ADGRG7: variants seen among roughly 807,000 people sequenced by gnomAD.
ADGRG7 encodes the protein G-protein coupled receptor 128.
Under a neutral mutation model 88.6 loss-of-function variants are expected in ADGRG7, and 82 were observed. The observed-to-expected ratio is 0.93, with a 90% CI of 0.77 to 1.11. The LOEUF (loss-of-function observed/expected upper bound fraction) is 1.11, where lower values mean the gene tolerates loss of function less well. ADGRG7 is among the 50% of genes most tolerant of loss of function. The probability of loss-of-function intolerance (pLI) is 0.00; values close to 1 mark genes in which losing one functional copy is unlikely to be tolerated. For synonymous variants in ADGRG7, 381 were observed against 345.2 expected (o/e 1.10, Z -1.15); for missense variants, 945 against 953.4 (o/e 0.99, Z 0.12).
In ADGRG7 at chr3:100,638,211, A is replaced by G. The variant is rs148493790; in HGVS notation, c.698+809A>G. On this transcript the variant is annotated intron_variant, in intron 6 of 15. Coordinates refer to ENST00000273352, the MANE Select transcript of ADGRG7 (RefSeq NM_032787.3). ...GGGTACCTGCACTTGGTGGGTCCCA[A>G]ATTCTTGTCCAGTGCCCAAGAAGAA... is the stretch of plus-strand genomic sequence containing the variant. Among the ~76,000 whole-genome samples, 313 of 152,346 alleles carry G rather than the reference A, an allele frequency of 2.1e-3. 2 individuals are homozygous for G. The highest frequency in any genetic ancestry group is 7.3e-3 in the African/African-American group (305 of 41,584).
intron 6 of ADGRG7, among the ~76,000 whole-genome samples, chr3:100,638,033 AC>A (rs1414024060): frequency 3.3e-5 from 5 of 152,214 alleles, no homozygotes; most frequent in African/African-American, 1.2e-4. Flanking sequence ...GGTGCCTGCA[AC>A]CCCAAGGCCC....
intron 1 of ADGRG7, among the ~76,000 whole-genome samples, chr3:100,614,774 T>C (rs955227818): frequency 2.6e-5 from 4 of 152,182 alleles, no homozygotes; most frequent in African/African-American, 9.7e-5. Context: ...GAGAAGAAAT[T>C]AATATTTTTT....
At position 100,643,246 on chromosome 3, in the gene ADGRG7, T is replaced by A. The variant is rs1559677077; in HGVS notation, c.699-20T>A. ...TTATGACAAAATCTTGAGTATTAAA[T>A]TGTGTTTTATTATATGCAGGCTTAT... is the stretch of plus-strand genomic sequence containing the variant. On this transcript the variant is annotated intron_variant, in intron 6 of 15. Transcript: ENST00000273352. The A allele has an allele frequency of 6.2e-7, 1 of 1,606,118 alleles. No homozygotes were observed. The highest frequency in any genetic ancestry group is 1.7e-5 in the Admixed American group (1 of 59,134).
chr3:100,626,056 A>G (rs1473177564), intron 1 of ADGRG7, among the ~76,000 whole-genome samples: 1 of 152,068 alleles, frequency 6.6e-6, no homozygotes, highest in Non-Finnish European at 1.5e-5. Context: ...CTCTTTTTCA[A>G]TTGTTTGGAA....
chr3:100,643,475 C>G, intron 7 of ADGRG7, 51 bp from the exon 8 acceptor site: 1 of 1,608,126 alleles, frequency 6.2e-7, no homozygotes, highest in Non-Finnish European at 8.5e-7. Flanking sequence ...TAATAATGCT[C>G]TACTCATGAT....
chr3:100,648,514 A>G (rs1207665655), intron 10 of ADGRG7, among the ~76,000 whole-genome samples: 1 of 152,204 alleles, frequency 6.6e-6, no homozygotes, highest in South Asian at 2.1e-4. Context: ...AAAGCATGAA[A>G]GTATGCACCA....
At position 100,625,359 on chromosome 3, in the gene ADGRG7, T is replaced by C. The variant is rs142492448; in HGVS notation, c.116-4239T>C. 7.0e-3 allele frequency among the ~76,000 whole-genome samples: 1,062 copies of C among 152,308 alleles called. 9 individuals are homozygous for C. The highest frequency in any genetic ancestry group is 0.013 in the African/African-American group (540 of 41,562). ...CTTGTCTATTGTTGGTGTATAGTTGTGCTTGTGATTTTTGCACACTGATTT... is the reference window on the plus strand; with the variant it reads ...CTTGTCTATTGTTGGTGTATAGTTGCGCTTGTGATTTTTGCACACTGATTT... On this transcript the variant is annotated intron_variant, in intron 1 of 15. Coordinates refer to ENST00000273352, the MANE Select transcript of ADGRG7 (RefSeq NM_032787.3).
chr3:100,632,801 A>G (rs947213202), intron 3 of ADGRG7, among the ~76,000 whole-genome samples: 13 of 152,188 alleles, frequency 8.5e-5, no homozygotes, highest in African/African-American at 2.9e-4. Flanking sequence ...GGCTTAAGTG[A>G]TAATCCTAGG....
At position 100,694,913 on chromosome 3, in the gene ADGRG7, T is replaced by C; in HGVS notation, c.2306T>C (p.Leu769Ser). The change falls in exon 16 of 16, where the codon TTA becomes TCA. Residue 769 changes from leucine (L) to serine (S), a missense_variant. Transcript: ENST00000273352. ...AATTTCCTCAGGTCATTGCCAACCT[T>C]ACATGAACGCTTTAGGCTACTGGAA... is the stretch of plus-strand genomic sequence containing the variant. ...MYNFLRSLPT[L>S]HERFRLLETS... The C allele has an allele frequency of 1.2e-6, 2 of 1,614,220 alleles. No homozygotes were observed. Among genetic ancestry groups the C allele is most frequent in the Non-Finnish European group, 1.7e-6 (2 of 1,180,036 alleles).
intron 1 of ADGRG7, among the ~76,000 whole-genome samples, chr3:100,611,244 T>TTTCC (rs753816226): frequency 0.037 from 2,365 of 64,622 alleles, 104 homozygotes; most frequent in African/African-American, 0.075. Flanking sequence ...TTTGTTTGTT[T>TTTCC]TTCCTTCCTT....
chr3:100,610,333 A>G (rs1029287420), intron 1 of ADGRG7, among the ~76,000 whole-genome samples: 1 of 152,218 alleles, frequency 6.6e-6, no homozygotes, highest in Non-Finnish European at 1.5e-5. Context: ...GGACACACAC[A>G]TGCATCAAAC....
chr3:100,629,267 C>CTCTATCTATCTA (rs58092447), intron 1 of ADGRG7, among the ~76,000 whole-genome samples: 405 of 149,030 alleles, frequency 2.7e-3, no homozygotes, highest in Middle Eastern at 6.8e-3. Flanking sequence ...TCCATGTTGA[C>CTCTATCTATCTA]TCTATCTATC....
chr3:100,633,096 T>C (rs531782420), intron 3 of ADGRG7, among the ~76,000 whole-genome samples, 169 bp from the exon 4 acceptor site: 2 of 152,274 alleles, frequency 1.3e-5, no homozygotes, highest in East Asian at 1.9e-4. Flanking sequence ...ACTGGTCTTT[T>C]GAAGTCCAGA....
At chr3:100,652,969 A>G (rs1478757808) in intron 11 of ADGRG7, among the ~76,000 whole-genome samples, 4 of 152,342 alleles carry the variant, frequency 2.6e-5, no homozygotes, top group Middle Eastern at 3.4e-3. Flanking sequence ...ATATCTTCCA[A>G]TAAAGGGATA....
intron 4 of ADGRG7, among the ~76,000 whole-genome samples, chr3:100,634,612 G>A (rs1424115383): frequency 2.0e-5 from 3 of 152,140 alleles, no homozygotes; most frequent in African/African-American, 7.2e-5. Flanking sequence ...GGTAGGGGTT[G>A]GGTGGGAACA....
intron 15 of ADGRG7, among the ~76,000 whole-genome samples, chr3:100,680,137 C>T (rs1035030903): frequency 6.6e-6 from 1 of 152,272 alleles, no homozygotes; most frequent in African/African-American, 2.4e-5. Flanking sequence ...ACTTTTGCAT[C>T]ACATATTTTG....
At chr3:100,689,850 G>A (rs2094990054) in intron 15 of ADGRG7, among the ~76,000 whole-genome samples, 1 of 152,062 alleles carries the variant, frequency 6.6e-6, no homozygotes, top group African/African-American at 2.4e-5. Context: ...ACCATTATGT[G>A]TCTTGGAGTT....
At chr3:100,638,649 C>T (rs1204704684) in intron 6 of ADGRG7, among the ~76,000 whole-genome samples, 3 of 152,062 alleles carry the variant, frequency 2.0e-5, no homozygotes, top group Non-Finnish European at 4.4e-5. Flanking sequence ...GAAGGTTTCC[C>T]CCTGGGATCC....
chr3:100,620,761 A>C (rs547655569), intron 1 of ADGRG7, among the ~76,000 whole-genome samples: 1 of 152,298 alleles, frequency 6.6e-6, no homozygotes, highest in South Asian at 2.1e-4. Context: ...ATCAAAAAGC[A>C]AGAAATTGAA....
Sources: gnomAD v4.1 joint callset for allele counts (sites outside exome capture counted in the v4.1 genomes callset) on GRCh38, gnomAD v4.1.1 for gene constraint, MANE v1.5 for transcripts, NCBI Gene and HGNC (gene_info 2026-07-23, HGNC 2026-07-21) for gene names.